ABAT: variants seen among roughly 807,000 people sequenced by gnomAD.
The protein encoded by ABAT is 4-aminobutyrate aminotransferase.
In ABAT, 45 loss-of-function variants were observed where a neutral mutation model predicts 64.6. That is an observed-to-expected ratio of 0.70 (90% CI 0.55 to 0.89). The LOEUF (loss-of-function observed/expected upper bound fraction) is 0.89. Ranked by LOEUF, ABAT falls within the 40% of genes least tolerant of loss-of-function variation. ABAT has a pLI of 0.00. For missense variants in ABAT, 633 were observed against 658.4 expected (o/e 0.96, Z 0.42); for synonymous variants, 297 against 250.5 (o/e 1.19, Z -1.75).
intron 2 of ABAT, among the ~76,000 whole-genome samples, chr16:8,738,867 A>G (rs1382450199): frequency 6.6e-6 from 1 of 150,528 alleles, no homozygotes; most frequent in Non-Finnish European, 1.5e-5. Flanking sequence ...CTAGTCTCCA[A>G]CTCCTGACCT....
chr16:8,706,033 TG>T (rs1214047546), intron 1 of ABAT, among the ~76,000 whole-genome samples: 1 of 152,290 alleles, frequency 6.6e-6, no homozygotes, highest in African/African-American at 2.4e-5. Flanking sequence ...AAGAATTCAC[TG>T]GACAAATATT....
chr16:8,732,954 G>A (rs1420580269), intron 1 of ABAT, among the ~76,000 whole-genome samples: 2 of 149,312 alleles, frequency 1.3e-5, no homozygotes, highest in Admixed American at 6.6e-5. Flanking sequence ...CCTCCCGGAC[G>A]GGGCGGCTGG....
intron 1 of ABAT, among the ~76,000 whole-genome samples, chr16:8,735,429 C>G (rs1019242080): frequency 1.3e-5 from 2 of 151,948 alleles, no homozygotes; most frequent in Non-Finnish European, 2.9e-5. Context: ...TTTTTAAAGT[C>G]TTTGTGAAGA....
rs1056457262 is a variant in ABAT at position 8,764,520 on chromosome 16, C to A, written c.448-218C>A. Among the ~76,000 whole-genome samples the A allele has an allele frequency of 2.0e-5, 3 of 152,136 alleles. No homozygotes were observed. The highest frequency in any genetic ancestry group is 7.2e-5 in the African/African-American group (3 of 41,432). On this transcript the variant is annotated intron_variant, in intron 7 of 15. Coordinates refer to ENST00000268251, the MANE Select transcript of ABAT (RefSeq NM_020686.6). This position sits in a 1 kb window ranked among gnomAD's most constrained non-coding sequence, Gnocchi z 4.2. ...AGGTGCATCAGGAGTGGGCTTTTGC[C>A]CCCCTTCTTTCCTCTCTGCCAGCCT...
rs386384172 is a variant in ABAT, at chr16:8,707,353, A to ATTTTTTTTTTTTTTTTTTTT, written c.-41-28329_-41-28328insTTTTTTTTTTTTTTTTTTTT. ...AGGCACACACTACCATGCCAGGGTA[A>ATTTTTTTTTTTTTTTTTTTT]TTTTTTTTTTTTTTTTTAGCGGAGA... is the stretch of plus-strand genomic sequence containing the variant. On this transcript the variant is annotated intron_variant, in intron 1 of 15. Transcript: ENST00000268251. Among the ~76,000 whole-genome samples, 21 of 123,928 alleles carry ATTTTTTTTTTTTTTTTTTTT rather than the reference A, an allele frequency of 1.7e-4. 1 individual carries two copies. The South Asian group carries it at 3.3e-3, about 20-fold the overall frequency. 81.3% of individuals were successfully genotyped at this position (123,928 alleles called of 152,430 possible). A position where few individuals can be genotyped will look rare whatever the true frequency, so the allele number is the denominator to read the frequency against.
Position 8,783,041 on chromosome 16 carries a change from T to C in ABAT, c.*1611T>C, listed in dbSNP as rs2060475972. On this transcript the variant is annotated 3_prime_UTR_variant, in exon 16 of 16. Coordinates refer to ENST00000268251, the MANE Select transcript of ABAT (RefSeq NM_020686.6). Reference sequence around the variant, plus strand: ...TAACATATACAAATTCGTGAATTCTTGTTCATTTTGCATTCCTGCAGTCAG... The same window carrying C: ...TAACATATACAAATTCGTGAATTCTCGTTCATTTTGCATTCCTGCAGTCAG... 2 of 152,180 alleles carry C rather than the reference T, an allele frequency of 1.3e-5. No homozygotes were observed. The highest frequency in any genetic ancestry group is 2.9e-5 in the Non-Finnish European group (2 of 68,024). 9.4% of individuals were successfully genotyped at this position (152,180 alleles called of 1,614,324 possible).
rs2059318887 is a variant in ABAT, at chr16:8,746,063, C to T, written c.133C>T (p.Leu45=). Residue 45 remains leucine, a synonymous_variant, in exon 3 of 16, where the codon CTG becomes TTG. Coordinates refer to ENST00000268251, the MANE Select transcript of ABAT (RefSeq NM_020686.6). ...VDVEFDYDGP[L]MKTEVPGPRS... is the part of the protein sequence containing the mutation. ...CGTTGAATTTGATTATGATGGGCCT[C>T]TGATGAAGACGGAAGTCCCAGGGCC... The T allele has an allele frequency of 6.2e-7, 1 of 1,613,700 alleles. No individual in the cohort carries two copies. The highest frequency in any genetic ancestry group is 1.3e-5 in the African/African-American group (1 of 74,874).
At chr16:8,724,636 T>C (rs947689927) in intron 1 of ABAT, among the ~76,000 whole-genome samples, 2 of 148,072 alleles carry the variant, frequency 1.4e-5, no homozygotes, top group South Asian at 4.3e-4. Context: ...CTCGGTAGGC[T>C]GAGATGGGAG....
At chr16:8,714,062 C>G (rs996788804) in intron 1 of ABAT, among the ~76,000 whole-genome samples, 1 of 152,106 alleles carries the variant, frequency 6.6e-6, no homozygotes, top group Admixed American at 6.5e-5. Context: ...GTAGGACACA[C>G]AAATGTACTT....
At position 8,696,340 on chromosome 16, in the gene ABAT, A is replaced by G. The variant is rs938437997; in HGVS notation, c.-42+21629A>G. Among the ~76,000 whole-genome samples, 53 of 152,262 alleles carry G rather than the reference A, an allele frequency of 3.5e-4. 1 individual carries two copies. Among genetic ancestry groups the G allele is most frequent in the Admixed American group, 3.1e-3 (47 of 15,288 alleles). ...GGGAACTCTCAAAAATTTTGGGATC[A>G]GGCTAGGCGTGGTGGCTCACTCCTG... On this transcript the variant is annotated intron_variant, in intron 1 of 15. Transcript: ENST00000268251.
Position 8,687,323 on chromosome 16 carries a change from G to A in ABAT, c.-42+12612G>A, listed in dbSNP as rs953242393. On this transcript the variant is annotated intron_variant, in intron 1 of 15. Coordinates refer to ENST00000268251, the MANE Select transcript of ABAT (RefSeq NM_020686.6). ...GCGAATCACGAGGTCAGGAGATGGA[G>A]ACCATCCTGGTCAACACGGTGAAAC... Among the ~76,000 whole-genome samples, 7 of 152,124 alleles carry A rather than the reference G, an allele frequency of 4.6e-5. 1 individual carries two copies. Among genetic ancestry groups the A allele is most frequent in the Admixed American group, 3.9e-4 (6 of 15,272 alleles).
Position 8,764,870 on chromosome 16 carries a change from C to G in ABAT, c.540+40C>G. The G allele has an allele frequency of 6.6e-7, 1 of 1,505,792 alleles. No individual in the cohort carries two copies. The highest frequency in any genetic ancestry group is 9.2e-7 in the Non-Finnish European group (1 of 1,083,776). 93.3% of individuals were successfully genotyped at this position (1,505,792 alleles called of 1,614,324 possible). On this transcript the variant is annotated intron_variant, in intron 8 of 15. Coordinates refer to ENST00000268251, the MANE Select transcript of ABAT (RefSeq NM_020686.6). This position sits in a 1 kb window ranked among gnomAD's most constrained non-coding sequence, Gnocchi z 4.2. The stretch of plus-strand genomic sequence containing the variant: ...ACACACACACACACACACACAGGCT[C>G]CCCAGCACCCAGCCACACGCTCACC...
chr16:8,681,263 T>A (rs769497441), intron 1 of ABAT, among the ~76,000 whole-genome samples: 3 of 152,058 alleles, frequency 2.0e-5, no homozygotes, highest in Non-Finnish European at 4.4e-5. Context: ...AGTGCTGGGA[T>A]TACAAGTGTG....
At position 8,750,421 on chromosome 16, in the gene ABAT, G is replaced by C. The variant is rs2048995486; in HGVS notation, c.199-1G>C. ...CTGAGTTGGTCTTTTCTTTCTCCAA[G>C]AATGCAGAGGCTGTGCATTTTTTCT... On this transcript the variant is annotated splice_acceptor_variant, in intron 4 of 15. Transcript: ENST00000268251. LOFTEE classifies it high-confidence loss of function. The C allele has an allele frequency of 6.2e-7, 1 of 1,613,484 alleles. No homozygotes were observed. Among genetic ancestry groups the C allele is most frequent in the Non-Finnish European group, 8.5e-7 (1 of 1,179,410 alleles).
chr16:8,680,316 A>G (rs2057301496), intron 1 of ABAT, among the ~76,000 whole-genome samples: 1 of 152,206 alleles, frequency 6.6e-6, no homozygotes, highest in African/African-American at 2.4e-5. Context: ...ACACTTCCCT[A>G]TGCACACAGT....
chr16:8,678,721 G>A (rs892612654), intron 1 of ABAT, among the ~76,000 whole-genome samples: 2 of 152,152 alleles, frequency 1.3e-5, no homozygotes, highest in African/African-American at 4.8e-5. Flanking sequence ...TTGCAACACT[G>A]GTATGGGAAG....
chr16:8,755,720 C>T (rs1479701340), intron 5 of ABAT, among the ~76,000 whole-genome samples: 6 of 151,470 alleles, frequency 4.0e-5, no homozygotes, highest in Admixed American at 6.6e-5. Context: ...AGACGAGCCT[C>T]GCCAACATGG....
At chr16:8,688,098 C>A (rs2057498846) in intron 1 of ABAT, among the ~76,000 whole-genome samples, 1 of 151,802 alleles carries the variant, frequency 6.6e-6, no homozygotes. Flanking sequence ...GAGGCAAGGT[C>A]TTGCTATGTT....
At chr16:8,706,584 C>T (rs770833709) in intron 1 of ABAT, among the ~76,000 whole-genome samples, 2 of 151,860 alleles carry the variant, frequency 1.3e-5, no homozygotes, top group African/African-American at 2.4e-5. Context: ...TGTGGTGGCA[C>T]GCTCCTGTAA....
Sources: allele counts gnomAD v4.1 joint callset (sites outside exome capture counted in the v4.1 genomes callset), GRCh38; gene constraint gnomAD v4.1.1; non-coding constraint Gnocchi (gnomAD v3.1); transcripts MANE v1.5; gene names NCBI Gene and HGNC (gene_info 2026-07-23, HGNC 2026-07-21).